The following NAALAD2 variants were observed in gnomAD, a reference collection of about 807,000 sequenced individuals.
NAALAD2 encodes the protein N-acetylated alpha-linked acidic dipeptidase 2.
A neutral mutation model predicts 95.6 loss-of-function variants in NAALAD2; 89 were observed. The ratio of observed to expected loss-of-function variants is 0.93; its 90% CI spans 0.78 to 1.11. NAALAD2 has a LOEUF of 1.11. Ranked by LOEUF, NAALAD2 falls within the 50% of genes least tolerant of loss-of-function variation. The probability of loss-of-function intolerance (pLI) is 0.00; values close to 1 mark genes in which losing one functional copy is unlikely to be tolerated. For synonymous variants in NAALAD2, 264 were observed against 294.4 expected, an observed-to-expected ratio of 0.90 and a Z score of 1.06; for missense variants, 894 against 872.4, an observed-to-expected ratio of 1.02 and a Z score of -0.31.
chr11:90,174,149 C>T (rs138317191), intron 14 of NAALAD2, among the ~76,000 whole-genome samples: 5,349 of 152,086 alleles, frequency 0.035, 144 homozygotes, highest in East Asian at 0.1. Context: ...CTGGCCAACA[C>T]GGCGAAACCC....
intron 18 of NAALAD2, 48 bp from the exon 19 acceptor site, chr11:90,191,510 A>AT: frequency 1.5e-6 from 2 of 1,341,132 alleles, no homozygotes; most frequent in Non-Finnish European, 2.0e-6. Context: ...AGCATGCAAA[A>AT]TGCATGTATA....
intron 8 of NAALAD2, among the ~76,000 whole-genome samples, chr11:90,161,019 T>G (rs1199784308): frequency 6.6e-6 from 1 of 152,162 alleles, no homozygotes; most frequent in Non-Finnish European, 1.5e-5. Context: ...TAATTTGCCC[T>G]AAGCAAAGCA....
At position 90,167,379 on chromosome 11, in the gene NAALAD2, C is replaced by T. The variant is rs543677813; in HGVS notation, c.1279-1550C>T. Among the ~76,000 whole-genome samples the T allele has an allele frequency of 1.7e-3, 266 of 152,338 alleles. 2 individuals are homozygous for T. The highest frequency in any genetic ancestry group is 6.3e-3 in the African/African-American group (263 of 41,588). ...TCTCGCTGGGCCTTAGCTGCCTCCC[C>T]GCAGGGCAGGGCTTCCGACCTGCAG... is the stretch of plus-strand genomic sequence containing the variant. On this transcript the variant is annotated intron_variant, in intron 11 of 18. Transcript: ENST00000534061.
intron 11 of NAALAD2, chr11:90,163,964 T>C (rs1952369190): frequency 5.1e-6 from 2 of 392,778 alleles, no homozygotes; most frequent in Non-Finnish European, 8.9e-6. Flanking sequence ...TACAGATGCT[T>C]AGAGCTAATT....
intron 18 of NAALAD2, among the ~76,000 whole-genome samples, chr11:90,191,288 T>A (rs570107788): frequency 6.7e-6 from 1 of 149,632 alleles, no homozygotes; most frequent in East Asian, 1.9e-4. Flanking sequence ...TGAGCAATTA[T>A]TCTGCACAAC....
chr11:90,162,362 C>T (rs190201035), intron 8 of NAALAD2: 1 of 152,052 alleles, frequency 6.6e-6, no homozygotes, highest in Non-Finnish European at 1.5e-5. Context: ...TGTAGTTGTG[C>T]ATTGTAGCAG....
At chr11:90,169,069 A>G in intron 12 of NAALAD2, 77 bp downstream of exon 12, 1 of 983,132 alleles carries the variant, frequency 1.0e-6, no homozygotes, top group Non-Finnish European at 1.6e-6. Flanking sequence ...ATTGAGTAGA[A>G]TACCATCTAC....
At chr11:90,174,851 A>G (rs1036890341) in intron 14 of NAALAD2, among the ~76,000 whole-genome samples, 1 of 152,168 alleles carries the variant, frequency 6.6e-6, no homozygotes, top group Non-Finnish European at 1.5e-5. Flanking sequence ...GAAGTGCTCC[A>G]ATATCCAAAA....
intron 16 of NAALAD2, among the ~76,000 whole-genome samples, chr11:90,178,706 A>G (rs765563237): frequency 6.6e-6 from 1 of 152,144 alleles, no homozygotes; most frequent in African/African-American, 2.4e-5. Flanking sequence ...TAGAAACAAT[A>G]TTAGAAAAAT....
rs979042288 is a variant in NAALAD2 at position 90,191,904 on chromosome 11, T to C, written c.*157T>C. On this transcript the variant is annotated 3_prime_UTR_variant, in exon 19 of 19. Coordinates refer to ENST00000534061, the MANE Select transcript of NAALAD2 (RefSeq NM_005467.4). ...TTTCATCTGCAAAGCCTTTTTTTTTTGCTCTTTAAAAGTTAATAATTATAT... is the reference window on the plus strand; with the variant it reads ...TTTCATCTGCAAAGCCTTTTTTTTTCGCTCTTTAAAAGTTAATAATTATAT... 34 of 456,576 alleles carry C rather than the reference T, an allele frequency of 7.4e-5. No homozygotes were observed. Among genetic ancestry groups the C allele is most frequent in the Non-Finnish European group, 1.1e-4 (30 of 281,362 alleles). 28.3% of individuals were successfully genotyped at this position (456,576 alleles called of 1,614,324 possible).
At chr11:90,143,939 C>T (rs538468406) in intron 2 of NAALAD2, among the ~76,000 whole-genome samples, 50 of 152,204 alleles carry the variant, frequency 3.3e-4, no homozygotes, top group Middle Eastern at 3.4e-3. Flanking sequence ...TGGATGAACT[C>T]GAGTGAGCTA....
chr11:90,177,304 G>T (rs937325923), intron 15 of NAALAD2, among the ~76,000 whole-genome samples: 1 of 149,578 alleles, frequency 6.7e-6, no homozygotes, highest in Non-Finnish European at 1.5e-5. Context: ...GTACTTAGCT[G>T]CCCAGAACCT....
At chr11:90,166,893 T>C (rs952086398) in intron 11 of NAALAD2, among the ~76,000 whole-genome samples, 3 of 151,434 alleles carry the variant, frequency 2.0e-5, no homozygotes, top group Admixed American at 2.0e-4. Context: ...CTCATGCCTG[T>C]AATCTCAGCA....
intron 4 of NAALAD2, 55 bp from the exon 5 acceptor site, chr11:90,150,427 G>GTTT: frequency 8.2e-6 from 9 of 1,098,578 alleles, no homozygotes; most frequent in Non-Finnish European, 8.8e-6. Context: ...CTTATTTTTT[G>GTTT]TTTTTTTTTT....
chr11:90,185,873 T>TA (rs1416482388), intron 18 of NAALAD2, among the ~76,000 whole-genome samples: 66 of 149,290 alleles, frequency 4.4e-4, no homozygotes, highest in African/African-American at 1.5e-3. Flanking sequence ...TTTTTTTTTT[T>TA]TATATACATT....
At chr11:90,183,498 A>G (rs1281804705) in intron 18 of NAALAD2, among the ~76,000 whole-genome samples, 2 of 152,172 alleles carry the variant, frequency 1.3e-5, no homozygotes, top group African/African-American at 2.4e-5. Flanking sequence ...TGTTCTGTTA[A>G]AGTCAAATAA....
In NAALAD2 at chr11:90,191,702, T is replaced by C. The variant is rs367964609; in HGVS notation, c.2178T>C (p.Ala726=). Residue 726 remains alanine, a synonymous_variant, in exon 19 of 19, where the codon GCT becomes GCC. Transcript: ENST00000534061. ...TAAAGAAACATATTTCTATTGCAGC[T>C]TTTACAATTCAAGCAGCAGCAGGAA... is the stretch of plus-strand genomic sequence containing the variant. ...KEVKKHISIA[A]FTIQAAAGTL... is the part of the protein sequence containing the mutation. 9.4e-6 allele frequency: 15 copies of C among 1,597,846 alleles called. No individual in the cohort carries two copies. Among genetic ancestry groups the C allele is most frequent in the Non-Finnish European group, 1.3e-5 (15 of 1,172,668 alleles).
At position 90,171,644 on chromosome 11, in the gene NAALAD2, C is replaced by T. The variant is rs373381706; in HGVS notation, c.1410+1508C>T. ...ATTCTTATCTGTGGGCATGCCAAGA[C>T]CCAGTAGACAAAGGAGACTTGTTTT... On this transcript the variant is annotated intron_variant, in intron 13 of 18. Coordinates refer to ENST00000534061, the MANE Select transcript of NAALAD2 (RefSeq NM_005467.4). Among the ~76,000 whole-genome samples, 7 of 152,124 alleles carry T rather than the reference C, an allele frequency of 4.6e-5. No homozygotes were observed. In the East Asian group the frequency reaches 9.6e-4, roughly 21 times the overall value.
At position 90,192,587 on chromosome 11, in the gene NAALAD2, C is replaced by T. The variant is rs1001303015; in HGVS notation, c.*840C>T. 1.3e-5 allele frequency: 2 copies of T among 151,862 alleles called. No individual in the cohort carries two copies. Among genetic ancestry groups the T allele is most frequent in the African/African-American group, 4.8e-5 (2 of 41,392 alleles). The allele number at this position is 151,862 out of a possible 1,614,324, so 9.4% of individuals were successfully genotyped here. Reference sequence around the variant, plus strand: ...AATTTATTGTATGAAAATTAAGCCTCAATAAACGTGATTATAAAAAACAAG... The same window carrying T: ...AATTTATTGTATGAAAATTAAGCCTTAATAAACGTGATTATAAAAAACAAG... On this transcript the variant is annotated 3_prime_UTR_variant, in exon 19 of 19. Transcript: ENST00000534061.
Sources: gnomAD v4.1 joint callset for allele counts (sites outside exome capture counted in the v4.1 genomes callset) on GRCh38, gnomAD v4.1.1 for gene constraint, MANE v1.5 for transcripts, NCBI Gene and HGNC (gene_info 2026-07-23, HGNC 2026-07-21) for gene names.